The following UBASH3B variants were observed in gnomAD, a reference collection of about 807,000 sequenced individuals.
UBASH3B encodes ubiquitin associated and SH3 domain containing B.
Under a neutral mutation model 83.4 loss-of-function variants are expected in UBASH3B, and 37 were observed. That is an observed-to-expected ratio of 0.44 (90% CI 0.34 to 0.58). The LOEUF is 0.58. Among genes scored for constraint, UBASH3B ranks in the 20% least tolerant of loss-of-function variants. The pLI, the probability that UBASH3B is intolerant of heterozygous loss-of-function variation, is 0.01. For missense variants in UBASH3B, 657 were observed against 827.2 expected (o/e 0.79, Z 2.52); for synonymous variants, 304 against 318.3 (o/e 0.96, Z 0.48).
rs368165485 is a variant in UBASH3B at position 122,796,288 on chromosome 11, G to T, written c.1234+12G>T. The T allele has an allele frequency of 6.2e-7, 1 of 1,613,698 alleles. No homozygotes were observed. Among genetic ancestry groups the T allele is most frequent in the Admixed American group, 1.7e-5 (1 of 59,984 alleles). ...CTTCGATGCCAAAGGTGAGTTGGTG[G>T]TGGGCCTGCTCAGCACTGCCATACC... On this transcript the variant is annotated intron_variant, in intron 8 of 13. Coordinates refer to ENST00000284273, the MANE Select transcript of UBASH3B (RefSeq NM_032873.5).
intron 1 of UBASH3B, among the ~76,000 whole-genome samples, chr11:122,671,306 G>T (rs1351089129): frequency 6.6e-6 from 1 of 152,102 alleles, no homozygotes; most frequent in Non-Finnish European, 1.5e-5. Context: ...CAGGCAGATT[G>T]CTTAAGGCCA....
At position 122,809,858 on chromosome 11, in the gene UBASH3B, A is replaced by C. The variant is rs1861408065; in HGVS notation, c.1922A>C (p.Asn641Thr). The C allele has an allele frequency of 1.2e-6, 2 of 1,614,068 alleles. No individual in the cohort carries two copies. ...PLTHGPTGGFNWRETLLQE is the reference protein window; with the variant it reads ...PLTHGPTGGFTWRETLLQE ...ACCCATGGACCAACTGGGGGCTTCA[A>C]CTGGAGAGAGACCTTGCTTCAAGAA... is the stretch of plus-strand genomic sequence containing the variant. Residue 641 changes from asparagine (N) to threonine (T), a missense_variant, in exon 14 of 14, where the codon AAC becomes ACC. Coordinates refer to ENST00000284273, the MANE Select transcript of UBASH3B (RefSeq NM_032873.5).
chr11:122,781,642 G>T (rs1177427670), intron 4 of UBASH3B, among the ~76,000 whole-genome samples: 2 of 152,214 alleles, frequency 1.3e-5, no homozygotes, highest in Admixed American at 1.3e-4. Flanking sequence ...CAGCTTAGCT[G>T]GTCCCGCTCC....
intron 1 of UBASH3B, among the ~76,000 whole-genome samples, chr11:122,712,734 T>C (rs924319601): frequency 4.6e-5 from 7 of 151,936 alleles, no homozygotes; most frequent in African/African-American, 1.5e-4. Flanking sequence ...CCCTGAAGTA[T>C]ATAGAACTCC....
At chr11:122,692,951 G>A (rs576658432) in intron 1 of UBASH3B, among the ~76,000 whole-genome samples, 4 of 152,342 alleles carry the variant, frequency 2.6e-5, no homozygotes, top group Middle Eastern at 3.4e-3. Flanking sequence ...GGGAGAGTCC[G>A]AAAAGAGAGT....
intron 1 of UBASH3B, among the ~76,000 whole-genome samples, chr11:122,717,516 G>A (rs999612894): frequency 6.6e-6 from 1 of 152,236 alleles, no homozygotes; most frequent in African/African-American, 2.4e-5. Flanking sequence ...TCTGGCCACA[G>A]ATCAGTAGAG....
At chr11:122,752,179 A>C (rs1329833500) in intron 1 of UBASH3B, among the ~76,000 whole-genome samples, 2 of 151,554 alleles carry the variant, frequency 1.3e-5, no homozygotes, top group African/African-American at 2.4e-5. Context: ...GCCCCATCTA[A>C]CCCCAGGCCT....
At chr11:122,798,642 C>G (rs1591329127) in intron 9 of UBASH3B, among the ~76,000 whole-genome samples, 1 of 144,316 alleles carries the variant, frequency 6.9e-6, no homozygotes, top group East Asian at 2.1e-4. Flanking sequence ...ACCCGGGAGG[C>G]AGAGGTTGCA....
intron 1 of UBASH3B, among the ~76,000 whole-genome samples, chr11:122,679,871 C>A (rs1038230823): frequency 6.6e-6 from 1 of 152,132 alleles, no homozygotes; most frequent in African/African-American, 2.4e-5. Context: ...CTCTCTGTCA[C>A]TCAGGCTGGA....
chr11:122,782,114 A>G (rs564679007), intron 4 of UBASH3B, among the ~76,000 whole-genome samples: 21 of 152,140 alleles, frequency 1.4e-4, no homozygotes, highest in African/African-American at 5.1e-4. Context: ...GGTGGTTCAC[A>G]CCTGTAGTCC....
intron 1 of UBASH3B, among the ~76,000 whole-genome samples, chr11:122,708,999 C>G (rs1282032589): frequency 3.3e-5 from 5 of 152,170 alleles, no homozygotes; most frequent in Non-Finnish European, 5.9e-5. Flanking sequence ...GTAACCCTAG[C>G]ACTTTGGGAG....
chr11:122,667,717 G>A (rs139064602), intron 1 of UBASH3B, among the ~76,000 whole-genome samples: 7 of 152,288 alleles, frequency 4.6e-5, no homozygotes, highest in African/African-American at 1.7e-4. Flanking sequence ...TTATGCCTCA[G>A]GTGTAAGATC....
At chr11:122,767,080 C>G (rs1860554650) in intron 1 of UBASH3B, among the ~76,000 whole-genome samples, 1 of 152,046 alleles carries the variant, frequency 6.6e-6, no homozygotes, top group African/African-American at 2.4e-5. Context: ...GAGATCGAGA[C>G]CAGCCTGACC....
chr11:122,707,843 C>T lies in UBASH3B; in HGVS notation c.161+51633C>T, dbSNP rs193116822. On this transcript the variant is annotated intron_variant, in intron 1 of 13. Coordinates refer to ENST00000284273, the MANE Select transcript of UBASH3B (RefSeq NM_032873.5). ...CCGAGTAGCTGGGATTACAGGTGTGCGCCACCACACCCAGCTAATTTTTGT... is the reference window on the plus strand; with the variant it reads ...CCGAGTAGCTGGGATTACAGGTGTGTGCCACCACACCCAGCTAATTTTTGT... Among the ~76,000 whole-genome samples the T allele has an allele frequency of 3.0e-3, 460 of 151,976 alleles. 1 individual carries two copies. Among genetic ancestry groups the T allele is most frequent in the African/African-American group, 0.01 (418 of 41,462 alleles).
intron 1 of UBASH3B, among the ~76,000 whole-genome samples, chr11:122,708,536 C>T (rs185670524): frequency 1.7e-4 from 26 of 152,216 alleles, no homozygotes; most frequent in Middle Eastern, 3.4e-3. Flanking sequence ...TCAAGTGATC[C>T]GCCCACCTTG....
chr11:122,676,459 A>G (rs1371762322), intron 1 of UBASH3B, among the ~76,000 whole-genome samples: 1 of 152,112 alleles, frequency 6.6e-6, no homozygotes, highest in Non-Finnish European at 1.5e-5. Context: ...GAATCGCTTG[A>G]AAACCTGGGA....
intron 1 of UBASH3B, among the ~76,000 whole-genome samples, chr11:122,700,740 A>G (rs914606928): frequency 3.3e-5 from 5 of 151,912 alleles, no homozygotes; most frequent in African/African-American, 7.3e-5. Flanking sequence ...CAGGTGATCC[A>G]CCCTCCTCGG....
At chr11:122,695,195 C>G (rs942605927) in intron 1 of UBASH3B, among the ~76,000 whole-genome samples, 1 of 152,060 alleles carries the variant, frequency 6.6e-6, no homozygotes, top group Non-Finnish European at 1.5e-5. Context: ...AACTCCCGAC[C>G]TCAAGTGATC....
Position 122,810,678 on chromosome 11 carries a change from G to A in UBASH3B, c.*792G>A, listed in dbSNP as rs949988948. On this transcript the variant is annotated 3_prime_UTR_variant, in exon 14 of 14. Transcript: ENST00000284273. ...GCAAAGAACTTGCAAAATATGAAGTGACTTGGAATTAACCATGTTGTAGCC... is the reference window on the plus strand; with the variant it reads ...GCAAAGAACTTGCAAAATATGAAGTAACTTGGAATTAACCATGTTGTAGCC... 1 of 152,574 alleles carries A rather than the reference G, an allele frequency of 6.6e-6. No homozygotes were observed. The highest frequency in any genetic ancestry group is 6.5e-5 in the Admixed American group (1 of 15,286). The allele number at this position is 152,574 out of a possible 1,614,324, so 9.5% of individuals were successfully genotyped here.
Sources: gnomAD v4.1 joint callset for allele counts (sites outside exome capture counted in the v4.1 genomes callset) on GRCh38, gnomAD v4.1.1 for gene constraint, MANE v1.5 for transcripts, NCBI Gene and HGNC (gene_info 2026-07-23, HGNC 2026-07-21) for gene names.